LEPR: variants seen among roughly 807,000 people sequenced by gnomAD.
LEPR encodes the protein OB receptor.
Under a neutral mutation model 114.7 loss-of-function variants are expected in LEPR, and 56 were observed. That is an observed-to-expected ratio of 0.49 (90% CI 0.39 to 0.61). The LOEUF (loss-of-function observed/expected upper bound fraction) is 0.61, where lower values mean the gene tolerates loss of function less well. Ranked by LOEUF, LEPR falls within the 20% of genes least tolerant of loss-of-function variation. LEPR has a pLI of 0.00. For missense variants in LEPR, 1,202 were observed against 1,352.9 expected (o/e 0.89, Z 1.75); for synonymous variants, 443 against 461.4 (o/e 0.96, Z 0.51).
At chr1:65,543,314 G>GT (rs1277128882) in intron 2 of LEPR, among the ~76,000 whole-genome samples, 9 of 151,694 alleles carry the variant, frequency 5.9e-5, no homozygotes, top group African/African-American at 2.2e-4. Context: ...GGGGTTGTTT[G>GT]TTTTTTTCTT....
At chr1:65,443,525 T>G (rs4292989) in intron 2 of LEPR, among the ~76,000 whole-genome samples, 81,945 of 151,194 alleles carry the variant, frequency 0.54, 22,872 homozygotes, top group Middle Eastern at 0.62. Flanking sequence ...TCAAAAATTT[T>G]TTGCTGGGTA....
At chr1:65,631,243 G>A (rs2101037903) in intron 19 of LEPR, among the ~76,000 whole-genome samples, 1 of 152,184 alleles carries the variant, frequency 6.6e-6, no homozygotes, top group Non-Finnish European at 1.5e-5. Context: ...GTTCTTACAT[G>A]GAGGCTCTTC....
At chr1:65,551,759 G>A (rs865869525) in intron 2 of LEPR, among the ~76,000 whole-genome samples, 87 of 152,180 alleles carry the variant, frequency 5.7e-4, no homozygotes, top group African/African-American at 2.1e-3. Flanking sequence ...TTTTGAATTT[G>A]TCTGCTCTTG....
intron 2 of LEPR, among the ~76,000 whole-genome samples, chr1:65,491,760 T>C (rs1452836741): frequency 2.0e-5 from 3 of 152,082 alleles, no homozygotes; most frequent in African/African-American, 7.2e-5. Context: ...GCTGGGAACA[T>C]TGAGTTTCAT....
At chr1:65,615,905 C>T in intron 14 of LEPR, 103 bp from the exon 15 acceptor site, 1 of 1,479,964 alleles carries the variant, frequency 6.8e-7, no homozygotes, top group Non-Finnish European at 9.3e-7. Flanking sequence ...CCTGATCTGG[C>T]CCCTGCCTCC....
intron 2 of LEPR, among the ~76,000 whole-genome samples, chr1:65,431,003 A>G (rs1468312675): frequency 1.3e-5 from 2 of 152,198 alleles, no homozygotes; most frequent in Non-Finnish European, 2.9e-5. Context: ...CCAGTGTGGT[A>G]GAGCTAAAAG....
intron 6 of LEPR, among the ~76,000 whole-genome samples, chr1:65,595,703 A>G (rs1656017800): frequency 6.6e-6 from 1 of 152,150 alleles, no homozygotes; most frequent in South Asian, 2.1e-4. Context: ...ATTTCTATAT[A>G]TATGAATAAT....
At chr1:65,454,865 T>C (rs1445863190) in intron 2 of LEPR, among the ~76,000 whole-genome samples, 2 of 152,210 alleles carry the variant, frequency 1.3e-5, no homozygotes, top group Non-Finnish European at 2.9e-5. Flanking sequence ...CTGGATGATA[T>C]CCTGCAGAGT....
intron 2 of LEPR, chr1:65,432,712 G>A: frequency 1.2e-6 from 1 of 856,984 alleles, no homozygotes; most frequent in Non-Finnish European, 1.4e-6. Flanking sequence ...TCAGTTAGGA[G>A]GAATAAGTGT....
chr1:65,565,626 C>G (rs1402132056), intron 3 of LEPR, 21 bp downstream of exon 3: 6 of 1,613,694 alleles, frequency 3.7e-6, no homozygotes, highest in Non-Finnish European at 5.1e-6. Context: ...TGCTCATTTG[C>G]TGTTTTAATG....
At chr1:65,578,059 T>C (rs1654718228) in intron 5 of LEPR, among the ~76,000 whole-genome samples, 1 of 151,256 alleles carries the variant, frequency 6.6e-6, no homozygotes, top group Admixed American at 6.6e-5. Context: ...AACGTAGTGT[T>C]TGTTTTTCGG....
At chr1:65,565,646 AT>A (rs755847548) in intron 3 of LEPR, 41 bp downstream of exon 3, 1 of 1,611,296 alleles carries the variant, frequency 6.2e-7, no homozygotes, top group Non-Finnish European at 8.5e-7. Flanking sequence ...GCCCTTAAAC[AT>A]GGTAGAGATT....
At chr1:65,515,517 T>A (rs1261041041) in intron 2 of LEPR, among the ~76,000 whole-genome samples, 1 of 152,248 alleles carries the variant, frequency 6.6e-6, no homozygotes. Context: ...GTTTTATTTT[T>A]ACTTTTGTAC....
At position 65,592,637 on chromosome 1, in the gene LEPR, G is replaced by A. The variant is rs757015877; in HGVS notation, c.495-20G>A. 6.2e-6 allele frequency: 10 copies of A among 1,610,078 alleles called. No individual in the cohort carries two copies. Among genetic ancestry groups the A allele is most frequent in the Non-Finnish European group, 8.5e-6 (10 of 1,177,682 alleles). ...ATTTTCATATCTGTTTTAATATTTA[G>A]CTCTTATTTTTCAATATAGGCCTGA... On this transcript the variant is annotated intron_variant, in intron 5 of 19. Coordinates refer to ENST00000349533, the MANE Select transcript of LEPR (RefSeq NM_002303.6).
intron 3 of LEPR, among the ~76,000 whole-genome samples, chr1:65,567,927 C>T (rs1474781905): frequency 2.6e-5 from 4 of 151,164 alleles, no homozygotes; most frequent in Non-Finnish European, 5.9e-5. Flanking sequence ...CACTCAAAGT[C>T]CATAGTTTAC....
chr1:65,491,861 G>A (rs1280419841), intron 2 of LEPR, among the ~76,000 whole-genome samples: 1 of 152,024 alleles, frequency 6.6e-6, no homozygotes, highest in African/African-American at 2.4e-5. Flanking sequence ...TGAGCTATAG[G>A]GCAGCTTTTC....
chr1:65,479,572 G>A (rs750734098), intron 2 of LEPR, among the ~76,000 whole-genome samples: 1 of 152,170 alleles, frequency 6.6e-6, no homozygotes, highest in Non-Finnish European at 1.5e-5. Context: ...ACCAGAGGTA[G>A]AGCAGTAGTT....
chr1:65,483,557 G>A (rs765175954), intron 2 of LEPR, among the ~76,000 whole-genome samples: 4 of 152,092 alleles, frequency 2.6e-5, no homozygotes, highest in Admixed American at 6.6e-5. Context: ...CTTATATCAA[G>A]GCCACCGCTA....
At chr1:65,421,372 A>G (rs1339533213) in intron 1 of LEPR, 20 of 1,535,800 alleles carry the variant, frequency 1.3e-5, no homozygotes, top group Non-Finnish European at 1.7e-5. Flanking sequence ...TGCATGGGGC[A>G]GTTGGTAAAA....
Sources: allele counts gnomAD v4.1 joint callset (sites outside exome capture counted in the v4.1 genomes callset), GRCh38; gene constraint gnomAD v4.1.1; transcripts MANE v1.5; gene names NCBI Gene and HGNC (gene_info 2026-07-23, HGNC 2026-07-21).